Variants in FAM114A1 observed in about 807,000 individuals in gnomAD.
FAM114A1 encodes the protein family with sequence similarity 114 member A1, also known as protein NOXP20.
In FAM114A1, 62 loss-of-function variants were observed where a neutral mutation model predicts 64.3. The ratio of observed to expected loss-of-function variants is 0.96; its 90% CI spans 0.79 to 1.19. The LOEUF (loss-of-function observed/expected upper bound fraction) is 1.19, where lower values mean the gene tolerates loss of function less well. Among genes scored for constraint, FAM114A1 ranks in the 50% most tolerant of loss-of-function variants. The pLI, the probability that FAM114A1 is intolerant of heterozygous loss-of-function variation, is 0.00. For synonymous variants in FAM114A1, 254 were observed against 251.1 expected (o/e 1.01, Z -0.11); for missense variants, 645 against 676.3 (o/e 0.95, Z 0.51).
chr4:38,904,251 G>A (rs1158608243), intron 4 of FAM114A1, among the ~76,000 whole-genome samples: 2 of 152,206 alleles, frequency 1.3e-5, no homozygotes, highest in East Asian at 3.8e-4. Context: ...CCTTCAAGAA[G>A]TCAGACAGCC....
intron 9 of FAM114A1, among the ~76,000 whole-genome samples, chr4:38,927,567 G>A (rs1464987090): frequency 6.6e-6 from 1 of 152,112 alleles, no homozygotes; most frequent in African/African-American, 2.4e-5. Flanking sequence ...AGAGGACAGG[G>A]GCATTCAGAC....
At chr4:38,891,122 A>G (rs1317649425) in intron 3 of FAM114A1, among the ~76,000 whole-genome samples, 1 of 152,194 alleles carries the variant, frequency 6.6e-6, no homozygotes, top group East Asian at 1.9e-4. Context: ...AGGCAAACGA[A>G]TTGGAATCCA....
intron 8 of FAM114A1, among the ~76,000 whole-genome samples, chr4:38,917,340 A>C (rs1342197139): frequency 6.6e-6 from 1 of 151,694 alleles, no homozygotes; most frequent in Non-Finnish European, 1.5e-5. Context: ...TCTGTCTCAA[A>C]AAAAAAAAGG....
intron 9 of FAM114A1, among the ~76,000 whole-genome samples, chr4:38,924,198 T>C (rs1286372952): frequency 6.6e-6 from 1 of 152,040 alleles, no homozygotes; most frequent in Non-Finnish European, 1.5e-5. Context: ...TTGTAGGGGG[T>C]CATGTTAGAT....
chr4:38,886,115 A>G (rs1715773128), intron 3 of FAM114A1, among the ~76,000 whole-genome samples: 1 of 152,026 alleles, frequency 6.6e-6, no homozygotes, highest in Non-Finnish European at 1.5e-5. Flanking sequence ...GTAGTGGCAC[A>G]GGAGTCTTGC....
intron 8 of FAM114A1, among the ~76,000 whole-genome samples, chr4:38,922,161 T>C (rs2109750884): frequency 6.6e-6 from 1 of 152,216 alleles, no homozygotes; most frequent in South Asian, 2.1e-4. Context: ...AGGATGGTCT[T>C]GATGTCCTGA....
chr4:38,871,420 T>C (rs1714069767), intron 2 of FAM114A1, among the ~76,000 whole-genome samples: 1 of 152,096 alleles, frequency 6.6e-6, no homozygotes, highest in African/African-American at 2.4e-5. Context: ...TGTAAAGATC[T>C]AGTATTAATA....
At chr4:38,889,169 C>T (rs149633834) in intron 3 of FAM114A1, among the ~76,000 whole-genome samples, 2 of 152,268 alleles carry the variant, frequency 1.3e-5, no homozygotes, top group East Asian at 1.9e-4. Flanking sequence ...GAAGCTGTCA[C>T]CTCTAATTGT....
chr4:38,918,371 T>C (rs1353208142), intron 8 of FAM114A1, among the ~76,000 whole-genome samples: 4 of 152,226 alleles, frequency 2.6e-5, no homozygotes, highest in African/African-American at 4.8e-5. Flanking sequence ...AACCAGACTG[T>C]GTCCGTCTTG....
chr4:38,943,312 A>C (rs1721717564), intron 14 of FAM114A1, 144 bp from the exon 15 acceptor site: 2 of 647,708 alleles, frequency 3.1e-6, no homozygotes, highest in Non-Finnish European at 2.8e-6. Flanking sequence ...ATGTGTTTAC[A>C]CTTGCTTTAA....
At chr4:38,905,885 CT>C in intron 6 of FAM114A1, 24 bp downstream of exon 6, 1 of 1,592,806 alleles carries the variant, frequency 6.3e-7, no homozygotes, top group Non-Finnish European at 8.6e-7. Flanking sequence ...TGCTTCCTCT[CT>C]TTCCCCTGTA....
chr4:38,913,478 G>A (rs529314941), intron 7 of FAM114A1, among the ~76,000 whole-genome samples: 27 of 152,098 alleles, frequency 1.8e-4, no homozygotes, highest in South Asian at 6.2e-4. Context: ...GGCTCACTGC[G>A]CCTCCGGGTT....
rs527477609 is a variant in FAM114A1 at position 38,940,383 on chromosome 4, A to G, written c.1537-585A>G. Among the ~76,000 whole-genome samples, 31 of 20,850 alleles carry G rather than the reference A, an allele frequency of 1.5e-3. No individual in the cohort carries two copies. The East Asian group carries it at 0.049, about 33-fold the overall frequency. 13.7% of individuals were successfully genotyped at this position (20,850 alleles called of 152,430 possible). A position where few individuals can be genotyped will look rare whatever the true frequency, so the allele number is the denominator to read the frequency against. The stretch of plus-strand genomic sequence containing the variant: ...TTTGCATTTAAAAGAAGAAAGAAAG[A>G]AAAAAAAAGGGGTAGACCAGGGCTT... On this transcript the variant is annotated intron_variant, in intron 13 of 14. Transcript: ENST00000358869.
At chr4:38,902,173 T>A (rs999306882) in intron 4 of FAM114A1, among the ~76,000 whole-genome samples, 2 of 152,230 alleles carry the variant, frequency 1.3e-5, no homozygotes, top group African/African-American at 4.8e-5. Flanking sequence ...CTTGGGAAAG[T>A]GATTTCACCT....
At chr4:38,930,070 A>G (rs1254880964) in intron 10 of FAM114A1, among the ~76,000 whole-genome samples, 1 of 152,164 alleles carries the variant, frequency 6.6e-6, no homozygotes, top group African/African-American at 2.4e-5. Flanking sequence ...AATTAGGTAG[A>G]GAGAGGCACG....
intron 8 of FAM114A1, among the ~76,000 whole-genome samples, chr4:38,917,957 C>T (rs1291074339): frequency 6.6e-6 from 1 of 152,024 alleles, no homozygotes; most frequent in Non-Finnish European, 1.5e-5. Context: ...TGACTCACGC[C>T]TGTAATCCCA....
chr4:38,924,348 T>C (rs963953847), intron 9 of FAM114A1, among the ~76,000 whole-genome samples: 6 of 152,242 alleles, frequency 3.9e-5, no homozygotes, highest in African/African-American at 1.4e-4. Flanking sequence ...TGTATTATTA[T>C]GCTCGTTGTT....
chr4:38,900,809 C>A (rs1167084928), intron 4 of FAM114A1, among the ~76,000 whole-genome samples: 3 of 151,988 alleles, frequency 2.0e-5, no homozygotes, highest in Non-Finnish European at 4.4e-5. Flanking sequence ...TATAGAGTTT[C>A]TATTTTATAC....
chr4:38,927,959 G>A (rs1453965874), intron 9 of FAM114A1, among the ~76,000 whole-genome samples: 1 of 152,208 alleles, frequency 6.6e-6, no homozygotes, highest in Non-Finnish European at 1.5e-5. Context: ...TGGGATTACA[G>A]GCGTGAGCCA....
Sources: allele counts gnomAD v4.1 joint callset (sites outside exome capture counted in the v4.1 genomes callset), GRCh38; gene constraint gnomAD v4.1.1; transcripts MANE v1.5; gene names NCBI Gene and HGNC (gene_info 2026-07-23, HGNC 2026-07-21).